Variants in UNC5D observed in about 807,000 individuals in gnomAD.
UNC5D encodes unc-5 netrin receptor D, also known as netrin receptor UNC5D.
UNC5D carries 39 observed loss-of-function variants against 105.4 expected under a neutral mutation model. The observed-to-expected ratio is 0.37, with a 90% CI of 0.29 to 0.48. The LOEUF is 0.48. Ranked by LOEUF, UNC5D falls within the 20% of genes least tolerant of loss-of-function variation. The pLI is 0.98. For missense variants in UNC5D, 991 were observed against 1,202.4 expected (o/e 0.82, Z 2.60); for synonymous variants, 452 against 450.4 (o/e 1.00, Z -0.04).
chr8:35,405,853 GT>G (rs1178171009), intron 1 of UNC5D, among the ~76,000 whole-genome samples: 6 of 152,062 alleles, frequency 3.9e-5, no homozygotes, highest in African/African-American at 1.4e-4. Flanking sequence ...ACTGCAGTAT[GT>G]AAAAATAATA....
At chr8:35,686,737 T>A in intron 7 of UNC5D, 28 bp downstream of exon 7, 1 of 1,537,674 alleles carries the variant, frequency 6.5e-7, no homozygotes, top group Non-Finnish European at 8.7e-7. Flanking sequence ...ACATCTTCAG[T>A]GTTTGTTCAT....
intron 1 of UNC5D, among the ~76,000 whole-genome samples, chr8:35,367,985 A>G (rs1802220866): frequency 6.6e-6 from 1 of 152,186 alleles, no homozygotes; most frequent in African/African-American, 2.4e-5. Context: ...GGTTTCTTGT[A>G]AAGTATGCCC....
intron 1 of UNC5D, among the ~76,000 whole-genome samples, chr8:35,403,656 C>G (rs1161552825): frequency 1.3e-5 from 2 of 152,164 alleles, no homozygotes; most frequent in Non-Finnish European, 2.9e-5. Context: ...TGGCACTGAA[C>G]AAGTTTCAGA....
chr8:35,691,545 T>G (rs1467781164), intron 7 of UNC5D, among the ~76,000 whole-genome samples: 2 of 152,186 alleles, frequency 1.3e-5, no homozygotes, highest in South Asian at 2.1e-4. Flanking sequence ...TTAGGAATTT[T>G]GGGGCAATAA....
At chr8:35,678,099 A>G (rs952574578) in intron 4 of UNC5D, among the ~76,000 whole-genome samples, 1 of 152,080 alleles carries the variant, frequency 6.6e-6, no homozygotes, top group Non-Finnish European at 1.5e-5. Context: ...TATAGTGCCT[A>G]TGAGTGATTG....
At chr8:35,753,083 T>C (rs943503238) in intron 13 of UNC5D, among the ~76,000 whole-genome samples, 2 of 152,170 alleles carry the variant, frequency 1.3e-5, no homozygotes, top group Non-Finnish European at 2.9e-5. Flanking sequence ...TCTACCATAT[T>C]CTACCATGGC....
chr8:35,681,568 G>A (rs1204881793), intron 4 of UNC5D, among the ~76,000 whole-genome samples: 1 of 152,154 alleles, frequency 6.6e-6, no homozygotes, highest in South Asian at 2.1e-4. Flanking sequence ...TGGTTCCATT[G>A]CCCTACTTTG....
intron 1 of UNC5D, among the ~76,000 whole-genome samples, chr8:35,325,767 T>A (rs1810102598): frequency 6.6e-6 from 1 of 152,090 alleles, no homozygotes; most frequent in African/African-American, 2.4e-5. Flanking sequence ...TGTTCTCAGG[T>A]GGAGGAAGGG....
At chr8:35,666,631 G>T (rs1387106348) in intron 4 of UNC5D, among the ~76,000 whole-genome samples, 1 of 152,106 alleles carries the variant, frequency 6.6e-6, no homozygotes. Context: ...TGACCAGGCT[G>T]ATTAAGATGA....
At chr8:35,536,206 C>G (rs1427825355) in intron 1 of UNC5D, among the ~76,000 whole-genome samples, 2 of 152,186 alleles carry the variant, frequency 1.3e-5, no homozygotes, top group African/African-American at 4.8e-5. Flanking sequence ...GTTTCACATC[C>G]CAATCAGGAT....
At chr8:35,619,609 C>T (rs1044944740) in intron 4 of UNC5D, among the ~76,000 whole-genome samples, 1 of 152,166 alleles carries the variant, frequency 6.6e-6, no homozygotes, top group Non-Finnish European at 1.5e-5. Flanking sequence ...TTTTAAGGAG[C>T]TGGTAATCCA....
intron 1 of UNC5D, among the ~76,000 whole-genome samples, chr8:35,264,630 T>G (rs1804716459): frequency 6.6e-6 from 1 of 151,066 alleles, no homozygotes; most frequent in Admixed American, 6.6e-5. Context: ...CTTGGGAGAC[T>G]GAGACAGGAG....
At chr8:35,714,556 G>A (rs897320642) in intron 8 of UNC5D, among the ~76,000 whole-genome samples, 4 of 152,192 alleles carry the variant, frequency 2.6e-5, no homozygotes, top group Non-Finnish European at 5.9e-5. Flanking sequence ...TTTAGAACTA[G>A]GAGAATGAAG....
rs1830222506 is a variant in UNC5D, at chr8:35,750,504, T to G, written c.1936-78T>G. On this transcript the variant is annotated intron_variant, in intron 12 of 16. Transcript: ENST00000404895. ...AACAAATTTATATTTGTGTGTTTATTTATTTGTGTCCTGGCAATATAAAGG... is the reference window on the plus strand; with the variant it reads ...AACAAATTTATATTTGTGTGTTTATGTATTTGTGTCCTGGCAATATAAAGG... 8 of 1,428,080 alleles carry G rather than the reference T, an allele frequency of 5.6e-6. No homozygotes were observed. The South Asian group carries it at 8.1e-5, about 15-fold the overall frequency. The allele number at this position is 1,428,080 out of a possible 1,614,324, so 88.5% of individuals were successfully genotyped here.
intron 15 of UNC5D, among the ~76,000 whole-genome samples, chr8:35,773,713 T>TTTTC (rs949461210): frequency 3.2e-5 from 4 of 123,190 alleles, no homozygotes; most frequent in African/African-American, 1.8e-4. Context: ...CACCTGACAG[T>TTTTC]TTGTTATTTT....
intron 1 of UNC5D, among the ~76,000 whole-genome samples, chr8:35,416,060 A>G (rs10089567): frequency 0.049 from 7,503 of 152,196 alleles, 209 homozygotes; most frequent in African/African-American, 0.073. Context: ...CTTGGAACAC[A>G]AGGGATAACT....
At chr8:35,787,106 C>T (rs1802780547) in intron 16 of UNC5D, among the ~76,000 whole-genome samples, 1 of 151,982 alleles carries the variant, frequency 6.6e-6, no homozygotes, top group South Asian at 2.1e-4. Flanking sequence ...CACATGTGGC[C>T]CCGAAAACCA....
intron 1 of UNC5D, among the ~76,000 whole-genome samples, chr8:35,475,945 G>A (rs1016771164): frequency 1.3e-5 from 2 of 152,200 alleles, no homozygotes; most frequent in Admixed American, 1.3e-4. Context: ...CTTACTGAGT[G>A]CCCACTAGGC....
intron 1 of UNC5D, among the ~76,000 whole-genome samples, chr8:35,409,927 C>CT (rs568203097): frequency 0.51 from 74,856 of 146,526 alleles, 19,160 homozygotes; most frequent in East Asian, 0.7. Flanking sequence ...AATCTTAGCT[C>CT]TTTTTTTTTT....
Sources: allele counts gnomAD v4.1 joint callset (sites outside exome capture counted in the v4.1 genomes callset), GRCh38; gene constraint gnomAD v4.1.1; transcripts MANE v1.5; gene names NCBI Gene and HGNC (gene_info 2026-07-23, HGNC 2026-07-21).